ROCK1: variants seen among roughly 807,000 people sequenced by gnomAD.
ROCK1 encodes rho-associated protein kinase 1.
In ROCK1, 36 loss-of-function variants were observed where a neutral mutation model predicts 196.8. The observed-to-expected ratio is 0.18, with a 90% CI of 0.14 to 0.24. The LOEUF is 0.24. Ranked by LOEUF, ROCK1 falls within the 10% of genes least tolerant of loss-of-function variation. ROCK1 has a pLI of 1.00. For missense variants in ROCK1, 920 were observed against 1,562.0 expected (o/e 0.59, Z 6.93); for synonymous variants, 443 against 515.9 (o/e 0.86, Z 1.91).
chr18:21,051,014 T>A (rs533240085), intron 2 of ROCK1, among the ~76,000 whole-genome samples: 1 of 152,296 alleles, frequency 6.6e-6, no homozygotes, highest in East Asian at 1.9e-4. Flanking sequence ...ATAAGGAAGA[T>A]AAACAGTTTT....
chr18:20,995,405 A>T (rs1477381709), intron 16 of ROCK1, among the ~76,000 whole-genome samples: 5 of 152,208 alleles, frequency 3.3e-5, no homozygotes, highest in Admixed American at 6.5e-5. Flanking sequence ...CGCACAGAAA[A>T]GCACCTTCAT....
rs2036166949 is a variant in ROCK1, at chr18:21,047,061, A to G, written c.415-1594T>C. Among the ~76,000 whole-genome samples, 8 of 152,302 alleles carry G rather than the reference A, an allele frequency of 5.3e-5. No homozygotes were observed. The South Asian group carries it at 1.5e-3, about 28-fold the overall frequency. On this transcript the variant is annotated intron_variant, in intron 4 of 32. Transcript: ENST00000399799. Reference sequence around the variant, plus strand: ...TGGCATTTCATGACTATCCCAGATTAAAGTATATAATTTGTCATTTGGGCC... The same window carrying G: ...TGGCATTTCATGACTATCCCAGATTGAAGTATATAATTTGTCATTTGGGCC...
intron 22 of ROCK1, among the ~76,000 whole-genome samples, chr18:20,976,150 C>G (rs546304769): frequency 7.0e-6 from 1 of 143,600 alleles, no homozygotes; most frequent in Non-Finnish European, 1.5e-5. Flanking sequence ...ACAGTGCCCC[C>G]TGCATCTATA....
chr18:21,014,079 A>G (rs1598528161), intron 13 of ROCK1, among the ~76,000 whole-genome samples: 2 of 151,782 alleles, frequency 1.3e-5, no homozygotes, highest in South Asian at 4.2e-4. Context: ...AAAAAAAAAA[A>G]AAAAAAAGAA....
At chr18:21,061,777 C>CA (rs1235358886) in intron 2 of ROCK1, among the ~76,000 whole-genome samples, 2 of 151,824 alleles carry the variant, frequency 1.3e-5, no homozygotes, top group Non-Finnish European at 2.9e-5. Context: ...AGGCTAAAGA[C>CA]AAAAAAGGAA....
chr18:21,031,144 G>A (rs2036002517), intron 9 of ROCK1, among the ~76,000 whole-genome samples: 3 of 152,080 alleles, frequency 2.0e-5, no homozygotes, highest in Admixed American at 1.3e-4. Flanking sequence ...CGCAAGCCCT[G>A]GGGGAAAGAG....
chr18:20,952,204 A>C (rs2035195341), intron 32 of ROCK1, among the ~76,000 whole-genome samples: 1 of 150,680 alleles, frequency 6.6e-6, no homozygotes, highest in Admixed American at 6.6e-5. Context: ...CCAACATGTT[A>C]AACTCCATCT....
At chr18:21,002,851 C>G (rs1041178733) in intron 16 of ROCK1, among the ~76,000 whole-genome samples, 1 of 152,176 alleles carries the variant, frequency 6.6e-6, no homozygotes, top group African/African-American at 2.4e-5. Flanking sequence ...AAGCAATCCT[C>G]CACCTGAGCC....
intron 11 of ROCK1, among the ~76,000 whole-genome samples, chr18:21,020,617 G>T (rs2143463431): frequency 6.6e-6 from 1 of 152,256 alleles, no homozygotes; most frequent in East Asian, 1.9e-4. Flanking sequence ...GGAGAGAAAA[G>T]GTCACTTCTA....
intron 2 of ROCK1, among the ~76,000 whole-genome samples, chr18:21,065,239 G>C (rs2036323886): frequency 6.6e-6 from 1 of 152,158 alleles, no homozygotes; most frequent in South Asian, 2.1e-4. Context: ...AATTGTACTA[G>C]TGCCAAAGCA....
intron 32 of ROCK1, among the ~76,000 whole-genome samples, chr18:20,952,395 G>GAATA (rs1467506606): frequency 1.3e-5 from 2 of 149,970 alleles, no homozygotes; most frequent in Non-Finnish European, 3.0e-5. Context: ...ATGAATGAAT[G>GAATA]AATGAATGAA....
chr18:20,973,317 G>A (rs535489004), intron 22 of ROCK1, among the ~76,000 whole-genome samples: 53 of 152,050 alleles, frequency 3.5e-4, no homozygotes, highest in Non-Finnish European at 5.2e-4. Context: ...AGTCTCTGTC[G>A]CCCAGGCTGG....
chr18:21,015,370 G>T, intron 13 of ROCK1, 61 bp downstream of exon 13: 3 of 1,110,902 alleles, frequency 2.7e-6, no homozygotes, highest in South Asian at 1.3e-5. Flanking sequence ...CTCAGGAAAC[G>T]AAACAATTTG....
intron 8 of ROCK1, among the ~76,000 whole-genome samples, chr18:21,040,885 G>A (rs2036099833): frequency 6.6e-6 from 1 of 152,050 alleles, no homozygotes; most frequent in African/African-American, 2.4e-5. Context: ...AGCACTTTGG[G>A]AGGCCAACGC....
At chr18:21,022,302 C>T (rs531532285) in intron 11 of ROCK1, among the ~76,000 whole-genome samples, 1 of 152,188 alleles carries the variant, frequency 6.6e-6, no homozygotes, top group Admixed American at 6.5e-5. Flanking sequence ...TTTGTTTTAC[C>T]TCTGTGTCAG....
At chr18:20,991,394 T>C in intron 17 of ROCK1, 68 bp from the exon 18 acceptor site, 1 of 1,056,944 alleles carries the variant, frequency 9.5e-7, no homozygotes, top group Non-Finnish European at 1.3e-6. Flanking sequence ...AAATCTTACA[T>C]TTAATATTCT....
At chr18:21,078,930 T>C (rs1568403715) in intron 1 of ROCK1, among the ~76,000 whole-genome samples, 3 of 152,144 alleles carry the variant, frequency 2.0e-5, no homozygotes. Context: ...TTTCTTCTAA[T>C]ATTGGGAGCT....
At chr18:21,011,107 A>T (rs1483154230) in intron 13 of ROCK1, among the ~76,000 whole-genome samples, 1 of 152,186 alleles carries the variant, frequency 6.6e-6, no homozygotes, top group South Asian at 2.1e-4. Flanking sequence ...GGGGGATTTA[A>T]AAAAATCTAC....
intron 1 of ROCK1, among the ~76,000 whole-genome samples, chr18:21,110,079 TTAAC>T (rs904819109): frequency 2.4e-4 from 37 of 152,272 alleles, no homozygotes; most frequent in Admixed American, 1.8e-3. Context: ...TATCAACCAC[TTAAC>T]TATTTTTAAA....
Sources: allele counts gnomAD v4.1 joint callset (sites outside exome capture counted in the v4.1 genomes callset), GRCh38; gene constraint gnomAD v4.1.1; transcripts MANE v1.5; gene names NCBI Gene and HGNC (gene_info 2026-07-23, HGNC 2026-07-21).